Variants in DPPA4 observed in about 807,000 individuals in gnomAD.
DPPA4 encodes developmental pluripotency associated 4, also known as developmental pluripotency-associated protein 4.
In DPPA4, 22 loss-of-function variants were observed where a neutral mutation model predicts 33.7. The ratio of observed to expected loss-of-function variants is 0.65; its 90% CI spans 0.47 to 0.93. The LOEUF (loss-of-function observed/expected upper bound fraction) is 0.93. Ranked by LOEUF, DPPA4 falls within the 40% of genes least tolerant of loss-of-function variation. DPPA4 has a pLI of 0.00. For missense variants in DPPA4, 340 were observed against 358.6 expected (o/e 0.95, Z 0.42); for synonymous variants, 156 against 132.3 (o/e 1.18, Z -1.23).
At chr3:109,330,413 A>C (rs755268696) in intron 5 of DPPA4, 111 bp downstream of exon 5, 2 of 1,226,174 alleles carry the variant, frequency 1.6e-6, no homozygotes, top group South Asian at 2.5e-5. Flanking sequence ...AGGGTCCAGG[A>C]ATCACCGGCC....
chr3:109,334,050 T>C (rs1708142390), intron 1 of DPPA4, 57 bp from the exon 2 acceptor site: 1 of 1,593,828 alleles, frequency 6.3e-7, no homozygotes, highest in Non-Finnish European at 8.5e-7. Flanking sequence ...ACACATACAC[T>C]ACCTGCCTCA....
Position 109,326,910 on chromosome 3 carries a change from C to A in DPPA4, c.*1078G>T, listed in dbSNP as rs1707947614. ...GAACACTAACAATAAAATTTGCATG[C>A]AATGAATATGGTTCTCTAAATACAA... On this transcript the variant is annotated 3_prime_UTR_variant, in exon 7 of 7. Transcript: ENST00000335658. The A allele has an allele frequency of 6.6e-6, 1 of 152,074 alleles. No homozygotes were observed. Among genetic ancestry groups the A allele is most frequent in the Admixed American group, 6.6e-5 (1 of 15,244 alleles). The allele number at this position is 152,074 out of a possible 1,614,324, so 9.4% of individuals were successfully genotyped here.
intron 6 of DPPA4, among the ~76,000 whole-genome samples, 200 bp downstream of exon 6, chr3:109,328,690 G>A (rs1045269661): frequency 5.9e-5 from 9 of 152,102 alleles, no homozygotes; most frequent in African/African-American, 2.2e-4. Context: ...GTGTCTCCAG[G>A]TAGAAGCATT....
In DPPA4 at chr3:109,331,864, A is replaced by T. The variant is rs921972988; in HGVS notation, c.339+7T>A. On this transcript the variant is annotated splice_region_variant and intron_variant, in intron 3 of 6. Coordinates refer to ENST00000335658, the MANE Select transcript of DPPA4 (RefSeq NM_018189.4). ...CCAGCAGCACCGTCCCCAGCCTGGGACCTCACCTGGCCTTTGGAGCTCAGC... is the reference window on the plus strand; with the variant it reads ...CCAGCAGCACCGTCCCCAGCCTGGGTCCTCACCTGGCCTTTGGAGCTCAGC... 5.0e-6 allele frequency: 8 copies of T among 1,613,590 alleles called. No individual in the cohort carries two copies. Among genetic ancestry groups the T allele is most frequent in the Non-Finnish European group, 6.8e-6 (8 of 1,179,608 alleles).
At chr3:109,334,803 T>C (rs1261685423) in intron 1 of DPPA4, among the ~76,000 whole-genome samples, 1 of 152,176 alleles carries the variant, frequency 6.6e-6, no homozygotes, top group African/African-American at 2.4e-5. Flanking sequence ...TCCAAAGTTG[T>C]TACATTCCTC....
In DPPA4 at chr3:109,337,460, T is replaced by C. The variant is rs199774042; in HGVS notation, c.54+4A>G. On this transcript the variant is annotated splice_donor_region_variant and intron_variant, in intron 1 of 6. Coordinates refer to ENST00000335658, the MANE Select transcript of DPPA4 (RefSeq NM_018189.4). ...GAAAACAAATCCACTAAAACTGTAC[T>C]GACCTCCTTGCCTTTTGCCTTCTCC... 4 of 1,613,824 alleles carry C rather than the reference T, an allele frequency of 2.5e-6. No individual in the cohort carries two copies. Among genetic ancestry groups the C allele is most frequent in the Middle Eastern group, 1.6e-4 (1 of 6,062 alleles).
chr3:109,329,645 G>A (rs35151780), intron 5 of DPPA4: 4,045 of 154,926 alleles, frequency 0.026, 77 homozygotes, highest in Middle Eastern at 0.051. Flanking sequence ...CTAACCCAGA[G>A]TGTCTGGAAA....
intron 2 of DPPA4, 172 bp downstream of exon 2, chr3:109,333,698 T>C (rs1708132784): frequency 1.5e-6 from 1 of 660,776 alleles, no homozygotes; most frequent in Non-Finnish European, 2.5e-6. Context: ...GTTAGAGCAG[T>C]GGTGACCAAA....
intron 6 of DPPA4, 68 bp downstream of exon 6, chr3:109,328,822 A>G: frequency 7.1e-7 from 1 of 1,414,848 alleles, no homozygotes; most frequent in Non-Finnish European, 9.7e-7. Flanking sequence ...ATTAATGTAT[A>G]TCTTAACTTT....
chr3:109,338,646 A>G (rs2107356888), upstream of DPPA4, among the ~76,000 whole-genome samples: 1 of 152,334 alleles, frequency 6.6e-6, no homozygotes, highest in East Asian at 1.9e-4. Flanking sequence ...ATCCACGGAC[A>G]GAAAAAGTAA....
intron 1 of DPPA4, chr3:109,336,454 T>G (rs1310389437): frequency 2.0e-5 from 3 of 152,236 alleles, no homozygotes; most frequent in Non-Finnish European, 2.9e-5. Flanking sequence ...CTTCAGTTTC[T>G]GTCTGCATTG....
At chr3:109,336,175 T>C (rs1220921625) in intron 1 of DPPA4, 1 of 151,978 alleles carries the variant, frequency 6.6e-6, no homozygotes, top group Non-Finnish European at 1.5e-5. Context: ...TATAATAAAA[T>C]TTCTCCTAAA....
chr3:109,335,382 C>T (rs1708170000), intron 1 of DPPA4, among the ~76,000 whole-genome samples: 1 of 152,090 alleles, frequency 6.6e-6, no homozygotes, highest in African/African-American at 2.4e-5. Context: ...CGCCTTGGCT[C>T]CCCAAAGAGT....
chr3:109,336,963 C>T (rs1381245060), intron 1 of DPPA4, among the ~76,000 whole-genome samples: 1 of 152,182 alleles, frequency 6.6e-6, no homozygotes, highest in Non-Finnish European at 1.5e-5. Context: ...TGCAATGGGG[C>T]GATCTCGGCT....
At chr3:109,335,655 C>T (rs1708177995) in intron 1 of DPPA4, among the ~76,000 whole-genome samples, 1 of 151,718 alleles carries the variant, frequency 6.6e-6, no homozygotes, top group African/African-American at 2.4e-5. Context: ...GTCTCAAACT[C>T]CTGGCCTCAA....
In DPPA4 at chr3:109,328,777, T is replaced by C. The variant is rs1576833518; in HGVS notation, c.878+113A>G. On this transcript the variant is annotated intron_variant, in intron 6 of 6. Transcript: ENST00000335658. ...TAATAATTTTCTTGAAACTCTTTAC[T>C]GACAATTTGAGCTTGAAATACCTGG... 15 of 984,508 alleles carry C rather than the reference T, an allele frequency of 1.5e-5. No individual in the cohort carries two copies. In the East Asian group the frequency reaches 3.9e-4, roughly 26 times the overall value. 61.0% of individuals were successfully genotyped at this position (984,508 alleles called of 1,614,324 possible).
chr3:109,328,765 GA>G, intron 6 of DPPA4, 124 bp downstream of exon 6: 1 of 901,108 alleles, frequency 1.1e-6, no homozygotes, highest in Admixed American at 3.0e-5. Context: ...TAATTTTCTT[GA>G]AACTCTTTAC....
chr3:109,336,762 AGTAG>A (rs1299629309), intron 1 of DPPA4, among the ~76,000 whole-genome samples: 4 of 152,154 alleles, frequency 2.6e-5, no homozygotes. Flanking sequence ...CTGCAGTCCC[AGTAG>A]CACTTTGGTA....
At position 109,330,655 on chromosome 3, in the gene DPPA4, G is replaced by A. The variant is rs748055827; in HGVS notation, c.548C>T (p.Thr183Ile). Residue 183 changes from threonine to isoleucine, a missense_variant, in exon 5 of 7, where the codon ACT becomes ATT. Physicochemically the swap from Thr to Ile is moderately conservative, Grantham distance 89. Transcript: ENST00000335658. Reference protein sequence around the residue: ...VGEPPALENSTALLEGVNTVV... With the variant: ...VGEPPALENSIALLEGVNTVV... ...TGTATTAACTCCCTCAAGGAGAGCA[G>A]TGGAATTTTCCAGGGCAGGCGGCTC... 6.2e-7 allele frequency: 1 copy of A among 1,614,202 alleles called. No homozygotes were observed. The highest frequency in any genetic ancestry group is 1.1e-5 in the South Asian group (1 of 91,088).
Sources: allele counts gnomAD v4.1 joint callset (sites outside exome capture counted in the v4.1 genomes callset), GRCh38; gene constraint gnomAD v4.1.1; transcripts MANE v1.5; gene names NCBI Gene and HGNC (gene_info 2026-07-23, HGNC 2026-07-21).